Variants in PLOD1 observed in about 807,000 individuals in gnomAD.
The protein encoded by PLOD1 is procollagen-lysine,2-oxoglutarate 5-dioxygenase 1.
In PLOD1, 70 loss-of-function variants were observed where a neutral mutation model predicts 94.7. The ratio of observed to expected loss-of-function variants is 0.74; its 90% CI spans 0.61 to 0.90. The LOEUF (loss-of-function observed/expected upper bound fraction) is 0.90. Ranked by LOEUF, PLOD1 falls within the 40% of genes least tolerant of loss-of-function variation. The pLI is 0.00. For synonymous variants in PLOD1, 417 were observed against 400.2 expected (o/e 1.04, Z -0.50); for missense variants, 905 against 972.7 (o/e 0.93, Z 0.93).
chr1:11,944,453 A>ACACACACT (rs1491560569), intron 1 of PLOD1: 8 of 977,804 alleles, frequency 8.2e-6, no homozygotes, highest in Non-Finnish European at 1.0e-5. Context: ...ACACACACAC[A>ACACACACT]CTCACTCACA....
At chr1:11,949,137 A>G (rs1010345962) in intron 2 of PLOD1, among the ~76,000 whole-genome samples, 1 of 152,114 alleles carries the variant, frequency 6.6e-6, no homozygotes, top group African/African-American at 2.4e-5. Context: ...CATGTGCCCC[A>G]GTTTCTCAAC....
chr1:11,952,759 GGA>G, intron 5 of PLOD1, 24 bp downstream of exon 5: 1 of 1,534,128 alleles, frequency 6.5e-7, no homozygotes, highest in Non-Finnish European at 9.0e-7. Flanking sequence ...GGCGGGCCAA[GGA>G]GAGGGGGCTG....
rs149566879 is a variant in PLOD1 at position 11,956,984 on chromosome 1, G to A, written c.711G>A (p.Pro237=). The change falls in exon 7 of 19, where the codon CCG becomes CCA. Residue 237 remains proline (P), a synonymous_variant. Transcript: ENST00000196061. ...RARNLAYDTL[P]VLIHGNGPTK... Reference sequence around the variant, plus strand: ...GGAACCTGGCCTATGACACCCTCCCGGTCCTGATCCATGGCAACGGGCCAA... The same window carrying A: ...GGAACCTGGCCTATGACACCCTCCCAGTCCTGATCCATGGCAACGGGCCAA... 48 of 1,613,656 alleles carry A rather than the reference G, an allele frequency of 3.0e-5. 1 individual carries two copies. In the South Asian group the frequency reaches 3.2e-4, roughly 11 times the overall value.
At chr1:11,970,057 A>G (rs1184669660) in intron 16 of PLOD1, among the ~76,000 whole-genome samples, 1 of 151,016 alleles carries the variant, frequency 6.6e-6, no homozygotes, top group African/African-American at 2.4e-5. Context: ...CCTGGCCAAC[A>G]TGATGAAACC....
intron 9 of PLOD1, among the ~76,000 whole-genome samples, chr1:11,959,645 T>A (rs899627809): frequency 7.0e-6 from 1 of 142,228 alleles, no homozygotes; most frequent in Non-Finnish European, 1.5e-5. Flanking sequence ...TGAGACGGAG[T>A]CTTGCTCTGT....
intron 13 of PLOD1, among the ~76,000 whole-genome samples, chr1:11,965,184 A>G (rs1645807105): frequency 6.6e-6 from 1 of 151,200 alleles, no homozygotes; most frequent in Non-Finnish European, 1.5e-5. Flanking sequence ...AGCAAGATGA[A>G]GTTTTCCCCT....
chr1:11,964,860 TC>T, intron 13 of PLOD1, 75 bp downstream of exon 13: 1 of 1,504,760 alleles, frequency 6.6e-7, no homozygotes, highest in South Asian at 1.1e-5. Flanking sequence ...GCTCTGACCC[TC>T]ATGGTGGGCC....
chr1:11,964,326 G>A (rs779203022), intron 12 of PLOD1, 26 bp downstream of exon 12: 20 of 1,530,624 alleles, frequency 1.3e-5, no homozygotes, highest in East Asian at 6.8e-5. Flanking sequence ...GTGGGGGTGG[G>A]TGGGGGACAC....
chr1:11,964,253 C>A lies in PLOD1; in HGVS notation c.1281C>A (p.Tyr427Ter). The A allele has an allele frequency of 6.6e-7, 1 of 1,513,910 alleles. No homozygotes were observed. Among genetic ancestry groups the A allele is most frequent in the Non-Finnish European group, 9.0e-7 (1 of 1,117,074 alleles). The allele number at this position is 1,513,910 out of a possible 1,614,324, so 93.8% of individuals were successfully genotyped here. A position where few individuals can be genotyped will look rare whatever the true frequency, so the allele number is the denominator to read the frequency against. The change falls in exon 12 of 19, where the codon TAC (tyrosine) becomes TAA (stop). Residue 427 changes from tyrosine to a stop codon, truncating the protein, a stop_gained. Coordinates refer to ENST00000196061, the MANE Select transcript of PLOD1 (RefSeq NM_000302.4). LOFTEE classifies it high-confidence loss of function. ...NFWGALSADG[Y>*]YARSEDYVDI... ...GGGGGGCTCTCAGTGCAGATGGCTA[C>A]TATGCCCGTTCCGAGGACTACGTGG...
chr1:11,959,337 C>T (rs1053745247), intron 9 of PLOD1, among the ~76,000 whole-genome samples: 16 of 152,150 alleles, frequency 1.1e-4, no homozygotes, highest in Non-Finnish European at 1.6e-4. Context: ...GTGCACAGGA[C>T]GCATCTAGTT....
intron 6 of PLOD1, among the ~76,000 whole-genome samples, chr1:11,955,192 C>T (rs1645729977): frequency 6.6e-6 from 1 of 152,236 alleles, no homozygotes; most frequent in African/African-American, 2.4e-5. Context: ...CCTCTTTCCC[C>T]ACTTTCCCGG....
chr1:11,943,701 G>A (rs1029863421), intron 1 of PLOD1, among the ~76,000 whole-genome samples: 7 of 152,166 alleles, frequency 4.6e-5, no homozygotes, highest in African/African-American at 1.7e-4. Flanking sequence ...CATGTGGGGA[G>A]GGCACAGCTA....
intron 14 of PLOD1, 104 bp from the exon 15 acceptor site, chr1:11,966,147 G>A (rs1267628586): frequency 2.4e-6 from 2 of 839,046 alleles, no homozygotes; most frequent in Non-Finnish European, 2.0e-6. Context: ...ACCTGCCTCT[G>A]TCAAGCACGT....
At position 11,975,474 on chromosome 1, in the gene PLOD1, G is replaced by A. The variant is rs1376585701; in HGVS notation, c.*666G>A. On this transcript the variant is annotated 3_prime_UTR_variant, in exon 19 of 19. Coordinates refer to ENST00000196061, the MANE Select transcript of PLOD1 (RefSeq NM_000302.4). The stretch of plus-strand genomic sequence containing the variant: ...CACACTGGGTCACCCTGTCCTGGAT[G>A]CCTCTGAAGAGAGGGACAGACCGTC... 1 of 158,952 alleles carries A rather than the reference G, an allele frequency of 6.3e-6. No individual in the cohort carries two copies. Among genetic ancestry groups the A allele is most frequent in the Non-Finnish European group, 1.4e-5 (1 of 71,664 alleles). The allele number at this position is 158,952 out of a possible 1,614,324, so 9.8% of individuals were successfully genotyped here. A position where few individuals can be genotyped will look rare whatever the true frequency, so the allele number is the denominator to read the frequency against.
chr1:11,970,613 C>T lies in PLOD1; in HGVS notation c.1756-57C>T, dbSNP rs1557500030. The T allele has an allele frequency of 3.2e-6, 5 of 1,566,984 alleles. No homozygotes were observed. In the African/African-American group the frequency reaches 4.1e-5, roughly 13 times the overall value. On this transcript the variant is annotated intron_variant, in intron 16 of 18. Transcript: ENST00000196061. Reference sequence around the variant, plus strand: ...CCCGGGTGTAGGAGAGGGGAGTAGACAGAGCCTGGGGGCCATCCTAGAATT... The same window carrying T: ...CCCGGGTGTAGGAGAGGGGAGTAGATAGAGCCTGGGGGCCATCCTAGAATT...
chr1:11,955,807 G>A (rs1645733974), intron 6 of PLOD1, among the ~76,000 whole-genome samples: 1 of 151,912 alleles, frequency 6.6e-6, no homozygotes, highest in Non-Finnish European at 1.5e-5. Context: ...TATTTTTTTA[G>A]TAGAGATGGG....
Position 11,958,705 on chromosome 1 carries a change from A to C in PLOD1, c.975+58A>C. ...TGGCTTAGATCCAGGGCCCAGCTTC[A>C]CAAGGTAGCCCGAGACCTCTGAGGG... On this transcript the variant is annotated intron_variant, in intron 9 of 18. Coordinates refer to ENST00000196061, the MANE Select transcript of PLOD1 (RefSeq NM_000302.4). The surrounding 1 kb of genome is among the most constrained non-coding windows in gnomAD (Gnocchi z 4.3). 1.9e-6 allele frequency: 3 copies of C among 1,607,124 alleles called. 1 individual carries two copies.
chr1:11,944,660 C>T (rs762687408), intron 1 of PLOD1: 1 of 1,353,150 alleles, frequency 7.4e-7, no homozygotes, highest in Non-Finnish European at 9.9e-7. Flanking sequence ...ATCCCAGGTT[C>T]AGGTAGTGAG....
chr1:11,944,569 C>T lies in PLOD1; in HGVS notation c.77-3407C>T, dbSNP rs75220940. On this transcript the variant is annotated intron_variant, in intron 1 of 18. Coordinates refer to ENST00000196061, the MANE Select transcript of PLOD1 (RefSeq NM_000302.4). ...CAGAGCTGGTGGCTCTGGTTCTCTT[C>T]ACCTGGGGAGAGACTTCACCGTCCT... 3.8e-3 allele frequency: 5,105 copies of T among 1,357,254 alleles called. 153 individuals are homozygous for T. The African/African-American group carries it at 0.063, about 17-fold the overall frequency. The allele number at this position is 1,357,254 out of a possible 1,614,324, so 84.1% of individuals were successfully genotyped here.
Sources: allele counts gnomAD v4.1 joint callset (sites outside exome capture counted in the v4.1 genomes callset), GRCh38; gene constraint gnomAD v4.1.1; non-coding constraint Gnocchi (gnomAD v3.1); transcripts MANE v1.5; gene names NCBI Gene and HGNC (gene_info 2026-07-23, HGNC 2026-07-21).